PARPBP: variants seen among roughly 807,000 people sequenced by gnomAD.
The protein encoded by PARPBP is PARP1 binding protein, also known as PCNA-interacting partner.
Under a neutral mutation model 50.0 loss-of-function variants are expected in PARPBP, and 52 were observed. The observed-to-expected ratio is 1.04, with a 90% CI of 0.83 to 1.31. PARPBP has a LOEUF of 1.31. Ranked by LOEUF, PARPBP falls within the 50% of genes most tolerant of loss-of-function variation. The pLI is 0.00. For missense variants in PARPBP, 697 were observed against 672.0 expected, an observed-to-expected ratio of 1.04 and a Z score of -0.41; for synonymous variants, 244 against 232.1, an observed-to-expected ratio of 1.05 and a Z score of -0.47.
chr12:102,162,832 A>G (rs1887738855), intron 4 of PARPBP, among the ~76,000 whole-genome samples: 1 of 152,170 alleles, frequency 6.6e-6, no homozygotes, highest in Non-Finnish European at 1.5e-5. Flanking sequence ...AAAGAAAAAA[A>G]AAAAAGGAAT....
At chr12:102,167,223 G>C (rs1392072614) in intron 6 of PARPBP, among the ~76,000 whole-genome samples, 1 of 152,016 alleles carries the variant, frequency 6.6e-6, no homozygotes, top group African/African-American at 2.4e-5. Flanking sequence ...TTTTGCTCAA[G>C]TAGCTTTCTC....
Position 102,148,364 on chromosome 12 carries a change from T to G in PARPBP, c.288T>G (p.Asp96Glu), listed in dbSNP as rs1885711439. ...ATGAGGACGTTAGGAAGATTTATGA[T>G]GATTTCTTGAAGAACAGTAATATGT... is the stretch of plus-strand genomic sequence containing the variant. ...DHYEDVRKIY[D>E]DFLKNSNMLD... Residue 96 changes from aspartate to glutamate, a missense_variant, in exon 3 of 11, where the codon GAT becomes GAG. Physicochemically the swap from Asp to Glu is conservative, Grantham distance 45. Transcript: ENST00000327680. 1.4e-5 allele frequency: 22 copies of G among 1,588,660 alleles called. No homozygotes were observed. Among genetic ancestry groups the G allele is most frequent in the Non-Finnish European group, 1.6e-5 (18 of 1,157,316 alleles).
chr12:102,147,381 C>T (rs892433499), intron 2 of PARPBP, among the ~76,000 whole-genome samples: 2 of 152,212 alleles, frequency 1.3e-5, no homozygotes, highest in Admixed American at 1.3e-4. Context: ...GAATACTATG[C>T]AGCCATGAAA....
chr12:102,137,580 G>A (rs1490577661), intron 2 of PARPBP, among the ~76,000 whole-genome samples: 1 of 151,618 alleles, frequency 6.6e-6, no homozygotes, highest in Non-Finnish European at 1.5e-5. Flanking sequence ...ATGTACACAT[G>A]TGCCATGTTG....
chr12:102,160,106 C>T (rs1458002595), intron 4 of PARPBP, among the ~76,000 whole-genome samples: 2 of 152,116 alleles, frequency 1.3e-5, no homozygotes, highest in Non-Finnish European at 2.9e-5. Context: ...ACTGCTTTTC[C>T]AGGGAACCTC....
chr12:102,165,962 A>T, intron 6 of PARPBP, 79 bp downstream of exon 6: 1 of 924,026 alleles, frequency 1.1e-6, no homozygotes, highest in Middle Eastern at 3.0e-4. Flanking sequence ...AATAAGGGAT[A>T]TTGAAATGAC....
At chr12:102,183,403 T>C (rs1459100897) in intron 9 of PARPBP, among the ~76,000 whole-genome samples, 1 of 152,110 alleles carries the variant, frequency 6.6e-6, no homozygotes, top group Non-Finnish European at 1.5e-5. Context: ...ATTTGGAAAT[T>C]TAGTTTAAAT....
At position 102,196,041 on chromosome 12, in the gene PARPBP, G is replaced by GA. The variant is rs1891285556; in HGVS notation, c.1494dup (p.Ser499IlefsTer8). 1 of 1,611,208 alleles carries GA rather than the reference G, an allele frequency of 6.2e-7. No homozygotes were observed. The highest frequency in any genetic ancestry group is 1.3e-5 in the African/African-American group (1 of 74,714). ...AGAAGTAAAAATGAAAAAGTATCAA[G>GA]AAAATCAACCAGTCAGACAGGAAAT... On this transcript the variant is annotated frameshift_variant, in exon 11 of 11. Transcript: ENST00000327680. LOFTEE classifies it low-confidence loss of function (END_TRUNC).
At chr12:102,146,705 A>G (rs935166680) in intron 2 of PARPBP, among the ~76,000 whole-genome samples, 22 of 152,136 alleles carry the variant, frequency 1.4e-4, no homozygotes, top group African/African-American at 1.9e-4. Context: ...ACAAAAGCCA[A>G]AATTGACAAA....
chr12:102,120,740 G>T (rs1407825524), intron 1 of PARPBP, among the ~76,000 whole-genome samples: 1 of 152,176 alleles, frequency 6.6e-6, no homozygotes, highest in African/African-American at 2.4e-5. Context: ...CACTAGGTGG[G>T]TTATGTACTT....
chr12:102,171,584 T>C (rs1292036195), intron 6 of PARPBP, among the ~76,000 whole-genome samples: 2 of 152,156 alleles, frequency 1.3e-5, no homozygotes, highest in Non-Finnish European at 2.9e-5. Flanking sequence ...AAATATTTCA[T>C]GGCCGGGCTT....
At chr12:102,131,994 G>A (rs569470712) in intron 2 of PARPBP, among the ~76,000 whole-genome samples, 181 of 152,104 alleles carry the variant, frequency 1.2e-3, no homozygotes, top group Non-Finnish European at 2.1e-3. Flanking sequence ...GCCTGAGGTC[G>A]GGAGTTTGAG....
chr12:102,187,348 C>CT (rs1161110410), intron 9 of PARPBP, among the ~76,000 whole-genome samples: 6 of 151,790 alleles, frequency 4.0e-5, no homozygotes, highest in African/African-American at 1.5e-4. Context: ...GTGTGCATTC[C>CT]TTTTTTTTCT....
chr12:102,147,492 C>T (rs1885540780), intron 2 of PARPBP, among the ~76,000 whole-genome samples: 1 of 145,076 alleles, frequency 6.9e-6, no homozygotes, highest in East Asian at 2.0e-4. Flanking sequence ...CGCATGTTCT[C>T]AATCATAGAT....
chr12:102,193,742 T>G (rs1033500773), intron 9 of PARPBP, among the ~76,000 whole-genome samples: 3 of 152,046 alleles, frequency 2.0e-5, no homozygotes, highest in Non-Finnish European at 4.4e-5. Flanking sequence ...ATAGGATTAA[T>G]AAAGTCCAGA....
At chr12:102,123,865 T>G in intron 1 of PARPBP, 21 bp from the exon 2 acceptor site, 1 of 1,512,886 alleles carries the variant, frequency 6.6e-7, no homozygotes, top group African/African-American at 1.4e-5. Flanking sequence ...ACTTTAACTT[T>G]GTATTCTGTC....
intron 4 of PARPBP, among the ~76,000 whole-genome samples, chr12:102,158,948 A>G (rs1887267115): frequency 6.6e-6 from 1 of 152,144 alleles, no homozygotes; most frequent in Non-Finnish European, 1.5e-5. Flanking sequence ...CATTGTGTTA[A>G]TTCTCTAATT....
chr12:102,177,142 A>G (rs1889365936), intron 7 of PARPBP, among the ~76,000 whole-genome samples: 1 of 152,248 alleles, frequency 6.6e-6, no homozygotes, highest in Non-Finnish European at 1.5e-5. Flanking sequence ...GTGAAGCACC[A>G]GATTGTGATA....
chr12:102,194,328 C>T (rs190870170), intron 9 of PARPBP, among the ~76,000 whole-genome samples: 115 of 151,946 alleles, frequency 7.6e-4, no homozygotes, highest in African/African-American at 2.6e-3. Flanking sequence ...TTACTGAAGT[C>T]ATCTTTATTG....
Sources: allele counts gnomAD v4.1 joint callset (sites outside exome capture counted in the v4.1 genomes callset), GRCh38; gene constraint gnomAD v4.1.1; transcripts MANE v1.5; gene names NCBI Gene and HGNC (gene_info 2026-07-23, HGNC 2026-07-21).